Variants in UNC79 observed in about 807,000 individuals in gnomAD.
UNC79 encodes unc-79 subunit of NALCN channel complex.
In UNC79, 37 loss-of-function variants were observed where a neutral mutation model predicts 283.1. That is an observed-to-expected ratio of 0.13 (90% confidence interval 0.10 to 0.17). The LOEUF is 0.17. UNC79 is among the 10% of genes least tolerant of loss of function. The probability of loss-of-function intolerance (pLI) is 1.00; values close to 1 mark genes in which losing one functional copy is unlikely to be tolerated. For missense variants in UNC79, 2,272 were observed against 3,211.1 expected (o/e 0.71, Z 7.07); for synonymous variants, 1,107 against 1,200.2 (o/e 0.92, Z 1.61).
intron 46 of UNC79, among the ~76,000 whole-genome samples, chr14:93,692,769 T>C (rs1422444435): frequency 6.6e-6 from 1 of 152,126 alleles, no homozygotes; most frequent in Non-Finnish European, 1.5e-5. Flanking sequence ...ATTGAACCAG[T>C]GTGGAGTATT....
At chr14:93,634,527 A>G in intron 31 of UNC79, 1 of 1,613,128 alleles carries the variant, frequency 6.2e-7, no homozygotes, top group Non-Finnish European at 8.5e-7. Context: ...CTAGCTCAGT[A>G]TAGGCAGATG....
chr14:93,445,279 C>A (rs1018838984), intron 1 of UNC79, among the ~76,000 whole-genome samples: 2 of 152,102 alleles, frequency 1.3e-5, no homozygotes, highest in African/African-American at 4.8e-5. Flanking sequence ...TCTGCCTTTC[C>A]AATCTGTATG....
At chr14:93,386,266 A>G (rs977991680) in intron 1 of UNC79, among the ~76,000 whole-genome samples, 3 of 152,178 alleles carry the variant, frequency 2.0e-5, no homozygotes, top group African/African-American at 7.2e-5. Flanking sequence ...CATATGATGT[A>G]TCATATTGAT....
chr14:93,377,942 G>A (rs965963616), intron 1 of UNC79, among the ~76,000 whole-genome samples: 2 of 152,144 alleles, frequency 1.3e-5, no homozygotes, highest in East Asian at 1.9e-4. Flanking sequence ...AGACAACAAC[G>A]AAATACATTT....
intron 35 of UNC79, among the ~76,000 whole-genome samples, chr14:93,647,197 A>G (rs1173637234): frequency 5.3e-5 from 8 of 152,236 alleles, no homozygotes; most frequent in Non-Finnish European, 1.2e-4. Flanking sequence ...TTCAACAAGT[A>G]TTTATGGAGT....
intron 32 of UNC79, among the ~76,000 whole-genome samples, chr14:93,638,287 A>T (rs1274758401): frequency 6.6e-6 from 1 of 152,204 alleles, no homozygotes; most frequent in African/African-American, 2.4e-5. Context: ...TTTGGCAATG[A>T]ATAGCAGTTT....
At chr14:93,557,267 G>C (rs2062227291) in intron 14 of UNC79, among the ~76,000 whole-genome samples, 1 of 152,164 alleles carries the variant, frequency 6.6e-6, no homozygotes, top group Non-Finnish European at 1.5e-5. Flanking sequence ...TTTGTTATGG[G>C]TATTGGGACA....
At chr14:93,632,267 A>G (rs574627292) in intron 31 of UNC79, among the ~76,000 whole-genome samples, 26 of 152,388 alleles carry the variant, frequency 1.7e-4, no homozygotes, top group African/African-American at 6.3e-4. Flanking sequence ...GTAGCAAAGA[A>G]GAATGGCTAG....
chr14:93,493,189 A>T (rs927380634), intron 5 of UNC79, among the ~76,000 whole-genome samples: 1 of 151,902 alleles, frequency 6.6e-6, no homozygotes, highest in Non-Finnish European at 1.5e-5. Context: ...AAGGCCTACA[A>T]GGGGGGGCGG....
At chr14:93,408,403 C>T (rs1344057913) in intron 1 of UNC79, among the ~76,000 whole-genome samples, 2 of 152,054 alleles carry the variant, frequency 1.3e-5, no homozygotes, top group African/African-American at 4.8e-5. Flanking sequence ...TTAATAATAC[C>T]ATAATAAGAA....
chr14:93,587,394 T>C (rs1048953735), intron 22 of UNC79, among the ~76,000 whole-genome samples: 2 of 152,184 alleles, frequency 1.3e-5, no homozygotes, highest in African/African-American at 4.8e-5. Flanking sequence ...TTTTTCCTCC[T>C]GAAAACCTTA....
In UNC79 at chr14:93,649,225, C is replaced by T. The variant is rs148930780; in HGVS notation, c.6083+2579C>T. Among the ~76,000 whole-genome samples the T allele has an allele frequency of 7.7e-3, 1,177 of 152,190 alleles. 15 individuals are homozygous for T. Among genetic ancestry groups the T allele is most frequent in the Non-Finnish European group, 0.012 (806 of 68,022 alleles). On this transcript the variant is annotated intron_variant, in intron 35 of 48. Transcript: ENST00000555664. ...CATAAGATGATATTATTGTTGACAT[C>T]GCATTTCTATAATTTATTTTAGGGA...
intron 14 of UNC79, among the ~76,000 whole-genome samples, chr14:93,547,994 C>G (rs1434051903): frequency 6.6e-6 from 1 of 151,840 alleles, no homozygotes; most frequent in Admixed American, 6.6e-5. Context: ...CTCAAAAAAA[C>G]AAACAACAAA....
intron 1 of UNC79, among the ~76,000 whole-genome samples, chr14:93,449,470 G>A (rs947467619): frequency 2.0e-5 from 3 of 151,838 alleles, no homozygotes; most frequent in Non-Finnish European, 4.4e-5. Flanking sequence ...ATAAATACAG[G>A]GCACAGGTGT....
At chr14:93,457,987 GA>G (rs927034685) in intron 1 of UNC79, among the ~76,000 whole-genome samples, 6 of 152,028 alleles carry the variant, frequency 3.9e-5, no homozygotes, top group African/African-American at 7.2e-5. Context: ...CCAATCAAGA[GA>G]AAAAAATAAA....
chr14:93,483,938 A>G (rs868318819), intron 4 of UNC79, among the ~76,000 whole-genome samples: 3 of 152,142 alleles, frequency 2.0e-5, no homozygotes, highest in African/African-American at 4.8e-5. Flanking sequence ...CCAGTCTATC[A>G]TTGATGGACA....
In UNC79 at chr14:93,683,858, A is replaced by C. The variant is rs182139235; in HGVS notation, c.6819+1164A>C. ...ACTTTTCTGTCTCAAAAAAAAAAAAACACACACTTCATCAGGGCATGAAGG... is the reference window on the plus strand; with the variant it reads ...ACTTTTCTGTCTCAAAAAAAAAAAACCACACACTTCATCAGGGCATGAAGG... On this transcript the variant is annotated intron_variant, in intron 42 of 48. Transcript: ENST00000555664. Among the ~76,000 whole-genome samples, 565 of 143,562 alleles carry C rather than the reference A, an allele frequency of 3.9e-3. 3 individuals are homozygous for C. The highest frequency in any genetic ancestry group is 6.1e-3 in the Non-Finnish European group (412 of 67,012). The allele number at this position is 143,562 out of a possible 152,430, so 94.2% of individuals were successfully genotyped here. A position where few individuals can be genotyped will look rare whatever the true frequency, so the allele number is the denominator to read the frequency against.
At chr14:93,359,327 C>T (rs575720710) in intron 1 of UNC79, among the ~76,000 whole-genome samples, 2 of 152,240 alleles carry the variant, frequency 1.3e-5, no homozygotes, top group Non-Finnish European at 2.9e-5. Context: ...CTGGGAGGGT[C>T]CGGAAGGTAT....
intron 1 of UNC79, among the ~76,000 whole-genome samples, chr14:93,379,513 G>C (rs753465817): frequency 6.6e-6 from 1 of 151,996 alleles, no homozygotes. Context: ...CATACACCTC[G>C]TTTGGTATAT....
Sources: gnomAD v4.1 joint callset for allele counts (sites outside exome capture counted in the v4.1 genomes callset) on GRCh38, gnomAD v4.1.1 for gene constraint, MANE v1.5 for transcripts, NCBI Gene and HGNC (gene_info 2026-07-23, HGNC 2026-07-21) for gene names.